The following NAALADL2 variants were observed in gnomAD, a reference collection of about 807,000 sequenced individuals.
NAALADL2 encodes the protein inactive N-acetylated-alpha-linked acidic dipeptidase-like protein 2.
In NAALADL2, 76 loss-of-function variants were observed where a neutral mutation model predicts 87.2. That is an observed-to-expected ratio of 0.87 (90% CI 0.72 to 1.05). The LOEUF (loss-of-function observed/expected upper bound fraction) is 1.05, where lower values mean the gene tolerates loss of function less well. Among genes scored for constraint, NAALADL2 ranks in the 50% least tolerant of loss-of-function variants. NAALADL2 has a pLI of 0.00. For synonymous variants in NAALADL2, 354 were observed against 331.0 expected (o/e 1.07, Z -0.75); for missense variants, 1,089 against 945.8 (o/e 1.15, Z -1.99).
chr3:174,937,210 C>T (rs1263101034), intron 1 of NAALADL2, among the ~76,000 whole-genome samples: 1 of 152,042 alleles, frequency 6.6e-6, no homozygotes, highest in African/African-American at 2.4e-5. Context: ...TAATTAGCAT[C>T]CCACAATACA....
intron 4 of NAALADL2, among the ~76,000 whole-genome samples, chr3:175,279,268 T>C (rs1290552745): frequency 6.6e-6 from 1 of 152,170 alleles, no homozygotes; most frequent in Non-Finnish European, 1.5e-5. Context: ...CATTTATCCT[T>C]ATCGTTGCCA....
At chr3:175,082,967 A>C (rs972843184) in intron 1 of NAALADL2, among the ~76,000 whole-genome samples, 15 of 152,174 alleles carry the variant, frequency 9.9e-5, no homozygotes, top group African/African-American at 3.6e-4. Context: ...GAGTTGGATT[A>C]ATTTTCTCAC....
rs141302467 is a variant in NAALADL2, at chr3:174,991,137, GATGA to G, written c.44-105650_44-105647del. Reference sequence around the variant, plus strand: ...TTGTGGCACAAAGAAGCACAAAAATGATGAATATTTTCAATTGACATTCCTGTAT... The same window carrying G: ...TTGTGGCACAAAGAAGCACAAAAATGATATTTTCAATTGACATTCCTGTAT... On this transcript the variant is annotated intron_variant, in intron 1 of 13. Transcript: ENST00000454872. Among the ~76,000 whole-genome samples the G allele has an allele frequency of 6.1e-3, 933 of 152,126 alleles. 3 individuals carry two copies. The highest frequency in any genetic ancestry group is 0.02 in the African/African-American group (846 of 41,502).
chr3:174,527,247 G>C (rs757366062), intron 1 of NAALADL2, among the ~76,000 whole-genome samples: 1 of 152,010 alleles, frequency 6.6e-6, no homozygotes, highest in African/African-American at 2.4e-5. Flanking sequence ...TTGGCTGGGC[G>C]CAGTGGGTCA....
At chr3:174,809,219 AGTACT>A (rs1338870158) in intron 3 of NAALADL2, among the ~76,000 whole-genome samples, 1 of 152,172 alleles carries the variant, frequency 6.6e-6, no homozygotes, top group African/African-American at 2.4e-5. Context: ...ATATAGAAAC[AGTACT>A]GGGGATATAT....
chr3:175,061,858 A>C (rs1323450592), intron 1 of NAALADL2, among the ~76,000 whole-genome samples: 1 of 151,864 alleles, frequency 6.6e-6, no homozygotes, highest in Non-Finnish European at 1.5e-5. Flanking sequence ...AAAGTCTTGC[A>C]TTAAAGGAGA....
intron 2 of NAALADL2, among the ~76,000 whole-genome samples, chr3:174,583,859 T>A (rs185609244): frequency 6.6e-6 from 1 of 152,264 alleles, no homozygotes; most frequent in Admixed American, 6.5e-5. Context: ...ATGTTTTAGA[T>A]CTTTAGACAC....
intron 11 of NAALADL2, among the ~76,000 whole-genome samples, chr3:175,634,346 T>A (rs992615996): frequency 1.3e-5 from 2 of 151,998 alleles, no homozygotes; most frequent in South Asian, 4.2e-4. Context: ...GTTTAAAACA[T>A]GTTTGTATCA....
chr3:174,834,811 G>C (rs1723142332), intron 3 of NAALADL2, among the ~76,000 whole-genome samples: 1 of 151,170 alleles, frequency 6.6e-6, no homozygotes, highest in Non-Finnish European at 1.5e-5. Flanking sequence ...GAAGAGATAA[G>C]CCATGTTTAT....
intron 4 of NAALADL2, among the ~76,000 whole-genome samples, chr3:175,320,225 T>A (rs1759669069): frequency 6.6e-6 from 1 of 152,178 alleles, no homozygotes; most frequent in Non-Finnish European, 1.5e-5. Context: ...ATGAATAAGC[T>A]TTTTACAAAA....
intron 2 of NAALADL2, among the ~76,000 whole-genome samples, chr3:175,206,344 T>C (rs1740914692): frequency 6.8e-6 from 1 of 146,112 alleles, no homozygotes; most frequent in Non-Finnish European, 1.5e-5. Context: ...ACATATATAA[T>C]GTATATGTTA....
chr3:175,252,561 A>C (rs1749245570), intron 3 of NAALADL2, among the ~76,000 whole-genome samples: 1 of 152,172 alleles, frequency 6.6e-6, no homozygotes, highest in Admixed American at 6.5e-5. Flanking sequence ...CCAATTAAGA[A>C]TCCTACAATG....
chr3:175,572,692 T>A (rs1303417159), intron 9 of NAALADL2, among the ~76,000 whole-genome samples: 1 of 152,182 alleles, frequency 6.6e-6, no homozygotes, highest in Non-Finnish European at 1.5e-5. Context: ...ACAGAGAGAC[T>A]AGAAGAGAAC....
chr3:175,361,058 C>T (rs1449022340), intron 5 of NAALADL2, among the ~76,000 whole-genome samples: 2 of 151,646 alleles, frequency 1.3e-5, no homozygotes, highest in African/African-American at 4.8e-5. Context: ...GTGATGTTCC[C>T]CATCCTGTGT....
chr3:175,673,789 A>G (rs933081166), intron 11 of NAALADL2, among the ~76,000 whole-genome samples: 3 of 152,100 alleles, frequency 2.0e-5, no homozygotes, highest in African/African-American at 7.2e-5. Context: ...AAGACTAAAA[A>G]TTTTAAAAGT....
chr3:175,273,589 C>T (rs918997423), intron 4 of NAALADL2, among the ~76,000 whole-genome samples: 8 of 151,466 alleles, frequency 5.3e-5, no homozygotes, highest in Admixed American at 2.0e-4. Context: ...TTTAATTCTT[C>T]GATTTTAAGA....
At chr3:175,787,486 C>T (rs1000216702) in intron 13 of NAALADL2, among the ~76,000 whole-genome samples, 63 of 152,300 alleles carry the variant, frequency 4.1e-4, no homozygotes, top group African/African-American at 1.2e-3. Flanking sequence ...CAGGTGCGTC[C>T]GTCACCCCTT....
chr3:174,511,949 C>T (rs919576238), intron 1 of NAALADL2, among the ~76,000 whole-genome samples: 2 of 151,962 alleles, frequency 1.3e-5, no homozygotes, highest in Admixed American at 1.3e-4. Flanking sequence ...ATTTTTCTTC[C>T]TCTTGCCTGT....
chr3:175,401,993 C>T (rs920371010), intron 5 of NAALADL2, among the ~76,000 whole-genome samples: 3 of 151,970 alleles, frequency 2.0e-5, no homozygotes, highest in African/African-American at 7.2e-5. Flanking sequence ...TCCTAAGGCA[C>T]TTATATCTTC....
Sources: allele counts gnomAD v4.1 joint callset (sites outside exome capture counted in the v4.1 genomes callset), GRCh38; gene constraint gnomAD v4.1.1; transcripts MANE v1.5; gene names NCBI Gene and HGNC (gene_info 2026-07-23, HGNC 2026-07-21).